The following PIP variants were observed in gnomAD, a reference collection of about 807,000 sequenced individuals.
PIP encodes prolactin-inducible protein.
Under a neutral mutation model 12.8 loss-of-function variants are expected in PIP, and 9 were observed. The ratio of observed to expected loss-of-function variants is 0.70; its 90% CI spans 0.42 to 1.23. The LOEUF is 1.23. Among genes scored for constraint, PIP ranks in the 50% most tolerant of loss-of-function variants. The pLI, the probability that PIP is intolerant of heterozygous loss-of-function variation, is 0.00. For synonymous variants in PIP, 60 were observed against 66.1 expected, an observed-to-expected ratio of 0.91 and a Z score of 0.45; for missense variants, 172 against 179.5, an observed-to-expected ratio of 0.96 and a Z score of 0.24.
chr7:143,135,137 C>G lies in PIP; in HGVS notation c.96-57C>G, dbSNP rs965908169. On this transcript the variant is annotated intron_variant, in intron 1 of 3. Coordinates refer to ENST00000291009, the MANE Select transcript of PIP (RefSeq NM_002652.3). Reference sequence around the variant, plus strand: ...CCCTTGCCCTGTTCATGGCTCCCCCCTCACTCAAAGATTGGTCTCTGATCC... The same window carrying G: ...CCCTTGCCCTGTTCATGGCTCCCCCGTCACTCAAAGATTGGTCTCTGATCC... 1.7e-5 allele frequency: 15 copies of G among 875,652 alleles called. No homozygotes were observed. The African/African-American group carries it at 2.5e-4, about 14-fold the overall frequency. 54.2% of individuals were successfully genotyped at this position (875,652 alleles called of 1,614,324 possible).
chr7:143,133,914 A>G (rs898692151), intron 1 of PIP, among the ~76,000 whole-genome samples: 1 of 151,466 alleles, frequency 6.6e-6, no homozygotes, highest in African/African-American at 2.4e-5. Flanking sequence ...TGGTGCACCC[A>G]TCACCCGAGC....
At chr7:143,132,749 C>T (rs1241801842) in intron 1 of PIP, among the ~76,000 whole-genome samples, 1 of 152,064 alleles carries the variant, frequency 6.6e-6, no homozygotes, top group Non-Finnish European at 1.5e-5. Context: ...ACCTCTTGCT[C>T]TCACGTATAC....
Position 143,138,958 on chromosome 7 carries a change from C to T in PIP, c.202-117C>T, listed in dbSNP as rs559223796. ...ACTACAACAGTAGACTCCCCCTTGC[C>T]CTAGGCCCACCTCCACCCCCACTCT... On this transcript the variant is annotated intron_variant, in intron 2 of 3. Transcript: ENST00000291009. The T allele has an allele frequency of 5.9e-6, 4 of 679,672 alleles. No individual in the cohort carries two copies. In the African/African-American group the frequency reaches 7.0e-5, roughly 12 times the overall value. The allele number at this position is 679,672 out of a possible 1,614,324, so 42.1% of individuals were successfully genotyped here.
chr7:143,137,170 T>C, intron 2 of PIP, among the ~76,000 whole-genome samples: 1 of 152,184 alleles, frequency 6.6e-6, no homozygotes, highest in Admixed American at 6.5e-5. Flanking sequence ...GAAGGAAACT[T>C]GTGGCAAAAA....
At position 143,139,502 on chromosome 7, in the gene PIP, T is replaced by C. The variant is rs780656615; in HGVS notation, c.317-16T>C. On this transcript the variant is annotated splice_polypyrimidine_tract_variant and intron_variant, in intron 3 of 3. Transcript: ENST00000291009. ...CGGGGTGTCTGAGAGATGATCTCCGTCCCTGTCTTTTTCAGGAACTGTGCA... is the reference window on the plus strand; with the variant it reads ...CGGGGTGTCTGAGAGATGATCTCCGCCCCTGTCTTTTTCAGGAACTGTGCA... The C allele has an allele frequency of 1.1e-5, 17 of 1,612,870 alleles. 2 individuals are homozygous for C. Among genetic ancestry groups the C allele is most frequent in the Non-Finnish European group, 6.8e-6 (8 of 1,179,066 alleles).
chr7:143,135,294 A>G lies in PIP; in HGVS notation c.196A>G (p.Met66Val). The G allele has an allele frequency of 6.5e-7, 1 of 1,535,672 alleles. No individual in the cohort carries two copies. The highest frequency in any genetic ancestry group is 1.4e-5 in the African/African-American group (1 of 73,754). The change falls in exon 2 of 4, where the codon ATG becomes GTG. Residue 66 changes from methionine to valine, a missense_variant. Met to Val is a conservative substitution (Grantham distance 21). Transcript: ENST00000291009. ...AGTTCAAACAGAATTGAAAGAATGCATGGTGGTAAGTAGAGGACTGGGGGC... is the reference window on the plus strand; with the variant it reads ...AGTTCAAACAGAATTGAAAGAATGCGTGGTGGTAAGTAGAGGACTGGGGGC... ...LAVQTELKEC[M>V]VVKTYLISSI...
intron 1 of PIP, 66 bp downstream of exon 1, chr7:143,132,277 ATT>A: frequency 6.4e-7 from 1 of 1,554,462 alleles, no homozygotes; most frequent in Non-Finnish European, 8.9e-7. Flanking sequence ...CAGTCTGGAA[ATT>A]ACATATCTCT....
In PIP at chr7:143,139,716, T is replaced by TATAAA; in HGVS notation, c.*80_*84dup. 1 of 1,455,966 alleles carries TATAAA rather than the reference T, an allele frequency of 6.9e-7. No homozygotes were observed. The highest frequency in any genetic ancestry group is 2.3e-5 in the East Asian group (1 of 43,588). The allele number at this position is 1,455,966 out of a possible 1,614,324, so 90.2% of individuals were successfully genotyped here. A position where few individuals can be genotyped will look rare whatever the true frequency, so the allele number is the denominator to read the frequency against. ...CTTGGCTGGAATTTCTGCTGTGGTC[T>TATAAA]ATAAAATAAACTTCTTAACATGCTT... On this transcript the variant is annotated 3_prime_UTR_variant, in exon 4 of 4. Coordinates refer to ENST00000291009, the MANE Select transcript of PIP (RefSeq NM_002652.3).
At chr7:143,139,274 G>A (rs1000167807) in intron 3 of PIP, 85 bp downstream of exon 3, 10 of 925,684 alleles carry the variant, frequency 1.1e-5, no homozygotes, top group Non-Finnish European at 1.4e-5. Context: ...GCTGCGAACC[G>A]AGCAGGACCA....
chr7:143,135,339 C>T (rs1367352708), intron 2 of PIP, 40 bp downstream of exon 2: 3 of 865,526 alleles, frequency 3.5e-6, no homozygotes, highest in Non-Finnish European at 5.9e-6. Context: ...AAAGATAATT[C>T]AACTCCTTGA....
chr7:143,136,992 A>G (rs73454511), intron 2 of PIP, among the ~76,000 whole-genome samples: 13,298 of 151,718 alleles, frequency 0.088, 910 homozygotes, highest in African/African-American at 0.18. Context: ...TTATATAACT[A>G]TAAAATTCTT....
intron 1 of PIP, 110 bp downstream of exon 1, chr7:143,132,321 C>G: frequency 7.7e-7 from 1 of 1,299,946 alleles, no homozygotes; most frequent in African/African-American, 1.5e-5. Context: ...TCCCAGAACT[C>G]TAGTCCCAGG....
chr7:143,139,226 C>T, intron 3 of PIP, 37 bp downstream of exon 3: 1 of 1,142,728 alleles, frequency 8.8e-7, no homozygotes, highest in Middle Eastern at 1.9e-4. Flanking sequence ...GAACTACCCA[C>T]CAGCCACCAG....
chr7:143,132,765 C>T (rs112421793), intron 1 of PIP, among the ~76,000 whole-genome samples: 11 of 152,126 alleles, frequency 7.2e-5, no homozygotes, highest in African/African-American at 2.6e-4. Context: ...TATACTGGGA[C>T]CTGAGAGCAC....
intron 2 of PIP, among the ~76,000 whole-genome samples, chr7:143,138,557 C>T (rs1411381808): frequency 1.3e-5 from 2 of 152,096 alleles, no homozygotes; most frequent in South Asian, 2.1e-4. Context: ...TAATTGTTTC[C>T]ACCTCATACC....
chr7:143,133,220 G>A (rs900698541), intron 1 of PIP, among the ~76,000 whole-genome samples: 5 of 151,820 alleles, frequency 3.3e-5, no homozygotes, highest in Non-Finnish European at 7.4e-5. Context: ...GCCCTCCCCC[G>A]CCACCTCCAC....
chr7:143,132,203 G>A lies in PIP; in HGVS notation c.87G>A (p.Gln29=). ...TGCAGTTGGGGGCCAACAAAGCTCA[G>A]GACAACACGTGAGCCATGCCCTTCT... ...LCLQLGANKA[Q]DNTRKIIIKN... is the part of the protein sequence containing the mutation. Residue 29 remains glutamine (Q), a synonymous_variant, in exon 1 of 4, where the codon CAG becomes CAA. Transcript: ENST00000291009. 1 of 1,613,510 alleles carries A rather than the reference G, an allele frequency of 6.2e-7. No individual in the cohort carries two copies. The highest frequency in any genetic ancestry group is 8.5e-7 in the Non-Finnish European group (1 of 1,179,542).
intron 2 of PIP, among the ~76,000 whole-genome samples, chr7:143,135,790 G>T (rs575450862): frequency 2.0e-5 from 3 of 152,076 alleles, no homozygotes; most frequent in South Asian, 4.2e-4. Context: ...TTTGCTCTGG[G>T]TCACCAGAAG....
intron 1 of PIP, among the ~76,000 whole-genome samples, chr7:143,132,960 T>A (rs1410286598): frequency 6.6e-6 from 1 of 151,974 alleles, no homozygotes; most frequent in Non-Finnish European, 1.5e-5. Context: ...TTGGAGGTAC[T>A]CTCTATGGCA....
Sources: allele counts gnomAD v4.1 joint callset (sites outside exome capture counted in the v4.1 genomes callset), GRCh38; gene constraint gnomAD v4.1.1; transcripts MANE v1.5; gene names NCBI Gene and HGNC (gene_info 2026-07-23, HGNC 2026-07-21).